CLK2: variants seen among roughly 807,000 people sequenced by gnomAD.
CLK2 encodes dual specificity protein kinase CLK2.
A neutral mutation model predicts 73.5 loss-of-function variants in CLK2; 12 were observed. That is an observed-to-expected ratio of 0.16 (90% CI 0.10 to 0.26). The LOEUF (loss-of-function observed/expected upper bound fraction) is 0.26, where lower values mean the gene tolerates loss of function less well. CLK2 is among the 10% of genes least tolerant of loss of function. The pLI is 1.00. For synonymous variants in CLK2, 232 were observed against 237.9 expected, an observed-to-expected ratio of 0.98 and a Z score of 0.23; for missense variants, 509 against 688.4, an observed-to-expected ratio of 0.74 and a Z score of 2.92.
In CLK2 at chr1:155,263,609, GTTCT is replaced by G. The variant is rs111367678; in HGVS notation, c.1318-213_1318-210del. On this transcript the variant is annotated intron_variant, in intron 12 of 12. Transcript: ENST00000368361. Reference sequence around the variant, plus strand: ...CACAATTACTCCATAATCTTTGAAAGTTCTTTCTACTTGTATATCCTTGTCAACT... The same window carrying G: ...CACAATTACTCCATAATCTTTGAAAGTTCTACTTGTATATCCTTGTCAACT... 5,056 of 985,270 alleles carry G rather than the reference GTTCT, an allele frequency of 5.1e-3. 102 individuals are homozygous for G. The African/African-American group carries it at 0.059, about 12-fold the overall frequency. The allele number at this position is 985,270 out of a possible 1,614,324, so 61.0% of individuals were successfully genotyped here.
Position 155,268,445 on chromosome 1 carries a change from C to T in CLK2, c.488-86G>A. The stretch of plus-strand genomic sequence containing the variant: ...GTTGGAAGAAAAAAGGGGACAGCAA[C>T]CTGGGGTGGAGATGAAGGAAGGGGA... On this transcript the variant is annotated intron_variant, in intron 4 of 12. Transcript: ENST00000368361. This position sits in a 1 kb window ranked among gnomAD's most constrained non-coding sequence, Gnocchi z 5.6. 1 of 1,099,100 alleles carries T rather than the reference C, an allele frequency of 9.1e-7. No homozygotes were observed. The highest frequency in any genetic ancestry group is 1.8e-5 in the Admixed American group (1 of 54,530). 68.1% of individuals were successfully genotyped at this position (1,099,100 alleles called of 1,614,324 possible). A position where few individuals can be genotyped will look rare whatever the true frequency, so the allele number is the denominator to read the frequency against.
At chr1:155,267,842 GC>G (rs150618341) in intron 6 of CLK2, among the ~76,000 whole-genome samples, 167 bp downstream of exon 6, 3,676 of 150,788 alleles carry the variant, frequency 0.024, 127 homozygotes, top group African/African-American at 0.078. Context: ...AATGTCATGG[GC>G]CCCCCCCCTT....
rs559544672 is a variant in CLK2, at chr1:155,269,375, C to T, written c.399+113G>A. 3 of 928,500 alleles carry T rather than the reference C, an allele frequency of 3.2e-6. No homozygotes were observed. In the East Asian group the frequency reaches 7.5e-5, roughly 23 times the overall value. The allele number at this position is 928,500 out of a possible 1,614,324, so 57.5% of individuals were successfully genotyped here. The stretch of plus-strand genomic sequence containing the variant: ...AGAAAGTAGGCAAACTCAGTGCCCA[C>T]CTCAGTGTTCATGCCCCAATGTTCA... On this transcript the variant is annotated intron_variant, in intron 3 of 12. Coordinates refer to ENST00000368361, the MANE Select transcript of CLK2 (RefSeq NM_001294338.2).
chr1:155,267,163 TG>T (rs1379098207), intron 6 of CLK2, among the ~76,000 whole-genome samples: 1 of 152,162 alleles, frequency 6.6e-6, no homozygotes, highest in African/African-American at 2.4e-5. Context: ...GGCGCGATCT[TG>T]GCTCACTGCA....
At chr1:155,267,045 A>G in intron 6 of CLK2, 150 bp from the exon 7 acceptor site, 1 of 834,760 alleles carries the variant, frequency 1.2e-6, no homozygotes, top group Non-Finnish European at 1.8e-6. Flanking sequence ...CAGTTCAGCT[A>G]AGGAGTAGCC....
chr1:155,264,622 T>A, intron 9 of CLK2, 23 bp downstream of exon 9: 10 of 1,614,214 alleles, frequency 6.2e-6, no homozygotes, highest in Non-Finnish European at 8.5e-6. Flanking sequence ...CTCACACACT[T>A]GGACAGCCTT....
intron 7 of CLK2, among the ~76,000 whole-genome samples, chr1:155,266,433 G>A (rs538338678): frequency 6.6e-6 from 1 of 152,282 alleles, no homozygotes; most frequent in South Asian, 2.1e-4. Context: ...TTTGCTGTCT[G>A]ACTGATGCTT....
At chr1:155,266,672 A>C in intron 7 of CLK2, 57 bp downstream of exon 7, 13 of 1,565,806 alleles carry the variant, frequency 8.3e-6, no homozygotes, top group South Asian at 1.2e-5. Flanking sequence ...CAACCGACAG[A>C]GAGATCCAAT....
At position 155,264,044 on chromosome 1, in the gene CLK2, G is replaced by A; in HGVS notation, c.1227-4C>T. The stretch of plus-strand genomic sequence containing the variant: ...CCGGTAAAAATATTTCTGCTTTCTA[G>A]AGGGGAAGGGGAGGTTGAGGAATCA... On this transcript the variant is annotated splice_polypyrimidine_tract_variant and splice_region_variant and intron_variant, in intron 11 of 12. Transcript: ENST00000368361. 4 of 1,612,554 alleles carry A rather than the reference G, an allele frequency of 2.5e-6. No individual in the cohort carries two copies. Among genetic ancestry groups the A allele is most frequent in the Non-Finnish European group, 2.5e-6 (3 of 1,178,572 alleles).
At chr1:155,264,900 G>T in intron 8 of CLK2, 126 bp from the exon 9 acceptor site, 1 of 1,166,732 alleles carries the variant, frequency 8.6e-7, no homozygotes. Flanking sequence ...CAAGCCCTGG[G>T]AAATTCCTGT....
intron 6 of CLK2, 104 bp from the exon 7 acceptor site, chr1:155,266,999 T>G: frequency 3.8e-6 from 5 of 1,300,910 alleles, no homozygotes; most frequent in Non-Finnish European, 5.3e-6. Context: ...CACATACTTG[T>G]GTAAAACCAT....
chr1:155,265,592 A>AATAAATAAATAAATAT (rs3065804), intron 8 of CLK2, among the ~76,000 whole-genome samples: 2,757 of 149,876 alleles, frequency 0.018, 71 homozygotes, highest in African/African-American at 0.057. Flanking sequence ...TAAATAAATA[A>AATAAATAAATAAATAT]ATAAATAAAT....
chr1:155,264,165 AC>A, intron 11 of CLK2, 55 bp downstream of exon 11: 1 of 1,596,596 alleles, frequency 6.3e-7, no homozygotes, highest in Admixed American at 1.7e-5. Context: ...TGTGAAATAG[AC>A]CAATTCTGTG....
intron 2 of CLK2, 41 bp downstream of exon 2, chr1:155,270,767 C>T (rs1357879830): frequency 4.4e-6 from 7 of 1,576,826 alleles, no homozygotes; most frequent in African/African-American, 1.3e-5. Context: ...AAGGAATGAG[C>T]GAGTGACCCT....
At position 155,264,770 on chromosome 1, in the gene CLK2, C is replaced by A; in HGVS notation, c.938G>T (p.Arg313Leu). 1 of 1,614,182 alleles carries A rather than the reference C, an allele frequency of 6.2e-7. No homozygotes were observed. Among genetic ancestry groups the A allele is most frequent in the Non-Finnish European group, 8.5e-7 (1 of 1,180,010 alleles). The change falls in exon 9 of 13, where the codon CGA becomes CTA. Residue 313 changes from arginine (R) to leucine (L), a missense_variant. Physicochemically the swap from Arg to Leu is moderately radical, Grantham distance 102. Coordinates refer to ENST00000368361, the MANE Select transcript of CLK2 (RefSeq NM_001294338.2). ...YELTYNLEKK[R>L]DERSVKSTAV... The stretch of plus-strand genomic sequence containing the variant: ...TGTGCTCTTCACACTGCGCTCATCT[C>A]GCTTCTAGGAGCAGAGGAGAAAGAG...
At position 155,268,768 on chromosome 1, in the gene CLK2, C is replaced by T. The variant is rs2148140725; in HGVS notation, c.427G>A (p.Val143Ile). 3.7e-6 allele frequency: 6 copies of T among 1,613,548 alleles called. No homozygotes were observed. Among genetic ancestry groups the T allele is most frequent in the East Asian group, 2.2e-5 (1 of 44,832 alleles). The change falls in exon 4 of 13, where the codon GTA (valine) becomes ATA (isoleucine). Residue 143 changes from valine (V) to isoleucine (I), a missense_variant. This residue lies in a region of CLK2 where 222 missense variants were observed against 221.7 expected (regional missense o/e 1.00). Transcript: ENST00000368361. This position sits in a 1 kb window ranked among gnomAD's most constrained non-coding sequence, Gnocchi z 5.6. ...SQHSSRRAKSVEDDAEGHLIY... is the reference protein window; with the variant it reads ...SQHSSRRAKSIEDDAEGHLIY... ...AGGTGGCCCTCAGCGTCGTCCTCTA[C>T]ACTCTTGGCTCTCCGGCTGCTGTGC...
chr1:155,264,450 A>G lies in CLK2; in HGVS notation c.1146+18T>C, dbSNP rs1673133468. 2 of 1,613,334 alleles carry G rather than the reference A, an allele frequency of 1.2e-6. No homozygotes were observed. Among genetic ancestry groups the G allele is most frequent in the African/African-American group, 2.7e-5 (2 of 74,938 alleles). On this transcript the variant is annotated intron_variant, in intron 10 of 12. Transcript: ENST00000368361. ...TAGAAGAATGCCAGGCAGTCAAGTA[A>G]GACATCCCATCACTTACCTGGAAGA...
chr1:155,270,737 CA>C, intron 2 of CLK2, 70 bp downstream of exon 2: 1 of 1,499,076 alleles, frequency 6.7e-7, no homozygotes, highest in South Asian at 1.2e-5. Context: ...AGCATATAAC[CA>C]ATAAGTATTT....
chr1:155,270,203 C>CAAAAAAAAAAAAA (rs35358437), intron 2 of CLK2, among the ~76,000 whole-genome samples: 1 of 111,614 alleles, frequency 9.0e-6, no homozygotes. Context: ...ACTAAAAATA[C>CAAAAAAAAAAAAA]AAAAAAAAAA....
Sources: allele counts gnomAD v4.1 joint callset (sites outside exome capture counted in the v4.1 genomes callset), GRCh38; gene constraint gnomAD v4.1.1; regional missense constraint gnomAD v4.1.1; non-coding constraint Gnocchi (gnomAD v3.1); transcripts MANE v1.5; gene names NCBI Gene and HGNC (gene_info 2026-07-23, HGNC 2026-07-21).